The following RYK variants were observed in gnomAD, a reference collection of about 807,000 sequenced individuals.
The protein encoded by RYK is inactive tyrosine-protein kinase RYK.
Under a neutral mutation model 70.2 loss-of-function variants are expected in RYK, and 21 were observed. The ratio of observed to expected loss-of-function variants is 0.30; its 90% confidence interval spans 0.21 to 0.43. The LOEUF is 0.43. Among genes scored for constraint, RYK ranks in the 20% least tolerant of loss-of-function variants. The pLI is 1.00. For synonymous variants in RYK, 267 were observed against 278.0 expected (o/e 0.96, Z 0.39); for missense variants, 604 against 753.3 (o/e 0.80, Z 2.32).
chr3:134,198,441 C>T (rs2013882206), intron 6 of RYK, among the ~76,000 whole-genome samples: 2 of 152,356 alleles, frequency 1.3e-5, no homozygotes, highest in South Asian at 4.1e-4. Context: ...ATGCAACAGA[C>T]AAAGACTGTG....
chr3:134,246,343 C>CACACACACAG lies in RYK; in HGVS notation c.232+4079_232+4080insCTGTGTGTGT, dbSNP rs1553713139. The stretch of plus-strand genomic sequence containing the variant: ...ACACACACACACACACACACACACA[C>CACACACACAG]AGAGAGAGAGAAAATAAAGGGTGGG... On this transcript the variant is annotated intron_variant, in intron 1 of 14. Coordinates refer to ENST00000623711, the MANE Select transcript of RYK (RefSeq NM_002958.4). 2.8e-5 allele frequency among the ~76,000 whole-genome samples: 3 copies of CACACACACAG among 105,810 alleles called. No individual in the cohort carries two copies. In the East Asian group the frequency reaches 8.9e-4, roughly 32 times the overall value. The allele number at this position is 105,810 out of a possible 152,430, so 69.4% of individuals were successfully genotyped here.
At chr3:134,228,576 T>C (rs2014970952) in intron 1 of RYK, among the ~76,000 whole-genome samples, 1 of 151,882 alleles carries the variant, frequency 6.6e-6, no homozygotes, top group African/African-American at 2.4e-5. Flanking sequence ...TCATGTTAAG[T>C]GAAATAAGCC....
At chr3:134,248,712 C>T (rs1292596430) in intron 1 of RYK, among the ~76,000 whole-genome samples, 1 of 151,982 alleles carries the variant, frequency 6.6e-6, no homozygotes, top group African/African-American at 2.4e-5. Flanking sequence ...GCAGGTGAAT[C>T]ACCTGAACCC....
At chr3:134,231,652 C>A (rs1010033057) in intron 1 of RYK, among the ~76,000 whole-genome samples, 1 of 152,170 alleles carries the variant, frequency 6.6e-6, no homozygotes, top group African/African-American at 2.4e-5. Flanking sequence ...CTTCCACCAA[C>A]CTCCTTATCC....
chr3:134,224,898 C>A (rs564726900), intron 1 of RYK, among the ~76,000 whole-genome samples: 7 of 152,328 alleles, frequency 4.6e-5, no homozygotes, highest in East Asian at 1.9e-4. Context: ...AGTAATGCTA[C>A]AAACTAATGA....
intron 6 of RYK, among the ~76,000 whole-genome samples, chr3:134,197,967 C>G (rs549415750): frequency 1.3e-5 from 2 of 152,240 alleles, no homozygotes; most frequent in African/African-American, 4.8e-5. Context: ...TTAAGTGGGT[C>G]CCTAAAATAA....
chr3:134,188,167 A>ATATAT (rs1363782363), intron 9 of RYK, among the ~76,000 whole-genome samples: 5 of 130,228 alleles, frequency 3.8e-5, no homozygotes, highest in African/African-American at 1.4e-4. Flanking sequence ...ATATATATAT[A>ATATAT]TTTTTTTTTT....
Position 134,191,879 on chromosome 3 carries a change from T to C in RYK, c.985A>G (p.Arg329Gly). 6.2e-7 allele frequency: 1 copy of C among 1,611,840 alleles called. No homozygotes were observed. Among genetic ancestry groups the C allele is most frequent in the Non-Finnish European group, 8.5e-7 (1 of 1,178,888 alleles). The change falls in exon 8 of 15, where the codon AGG becomes GGG. Residue 329 changes from arginine to glycine, a missense_variant. Arg to Gly is a moderately radical substitution (Grantham distance 125). Transcript: ENST00000623711. ...TGGAGTACATCTTTTAGAGTTATCCTCTCTCTGGATATTGCTATATCCTTC... is the reference window on the plus strand; with the variant it reads ...TGGAGTACATCTTTTAGAGTTATCCCCTCTCTGGATATTGCTATATCCTTC... ...KVKDIAISRE[R>G]ITLKDVLQEG... is the part of the protein sequence containing the mutation.
At chr3:134,194,874 G>C (rs1044196458) in intron 7 of RYK, among the ~76,000 whole-genome samples, 1 of 152,104 alleles carries the variant, frequency 6.6e-6, no homozygotes, top group African/African-American at 2.4e-5. Context: ...ACCAATTCTA[G>C]CAAACTTAAA....
At chr3:134,223,799 A>G (rs1394935193) in intron 1 of RYK, among the ~76,000 whole-genome samples, 10 of 152,158 alleles carry the variant, frequency 6.6e-5, no homozygotes, top group Admixed American at 5.9e-4. Flanking sequence ...AGAACAGCCA[A>G]AATGCAAATT....
At chr3:134,240,316 T>C (rs1045093134) in intron 1 of RYK, among the ~76,000 whole-genome samples, 1 of 152,184 alleles carries the variant, frequency 6.6e-6, no homozygotes, top group Non-Finnish European at 1.5e-5. Flanking sequence ...CAGAATTGGC[T>C]ATGAGTTGAG....
rs981762346 is a variant in RYK at position 134,179,703 on chromosome 3, A to C, written c.1173-1630T>G. 2.0e-5 allele frequency: 3 copies of C among 152,240 alleles called. No homozygotes were observed. In the South Asian group the frequency reaches 6.2e-4, roughly 31 times the overall value. The allele number at this position is 152,240 out of a possible 1,614,324, so 9.4% of individuals were successfully genotyped here. A position where few individuals can be genotyped will look rare whatever the true frequency, so the allele number is the denominator to read the frequency against. Reference sequence around the variant, plus strand: ...AGCTTCCTTTCCACCAACTCCCATGAATACTAAAATGACTACAGGTTTACA... The same window carrying C: ...AGCTTCCTTTCCACCAACTCCCATGCATACTAAAATGACTACAGGTTTACA... On this transcript the variant is annotated intron_variant, in intron 10 of 14. Coordinates refer to ENST00000623711, the MANE Select transcript of RYK (RefSeq NM_002958.4).
chr3:134,174,881 A>G (rs1434919645), intron 13 of RYK, among the ~76,000 whole-genome samples: 1 of 152,192 alleles, frequency 6.6e-6, no homozygotes, highest in African/African-American at 2.4e-5. Context: ...TAACACTTAG[A>G]AGAGGTCACC....
intron 6 of RYK, among the ~76,000 whole-genome samples, chr3:134,199,758 G>A (rs1027997694): frequency 1.3e-5 from 2 of 152,136 alleles, no homozygotes; most frequent in Non-Finnish European, 2.9e-5. Flanking sequence ...GAAGAACTTT[G>A]TCCATCACTA....
chr3:134,227,731 G>A (rs940891173), intron 1 of RYK, among the ~76,000 whole-genome samples: 56 of 151,864 alleles, frequency 3.7e-4, no homozygotes, highest in African/African-American at 1.2e-3. Context: ...GTGCAGTGGC[G>A]CAATCTCAGC....
At chr3:134,232,686 AG>A (rs1428544366) in intron 1 of RYK, among the ~76,000 whole-genome samples, 15 of 152,342 alleles carry the variant, frequency 9.8e-5, no homozygotes, top group African/African-American at 3.6e-4. Flanking sequence ...CAGTTTGAAA[AG>A]GCTTGAAAGA....
At chr3:134,240,267 G>A (rs555815031) in intron 1 of RYK, among the ~76,000 whole-genome samples, 1 of 152,222 alleles carries the variant, frequency 6.6e-6, no homozygotes, top group African/African-American at 2.4e-5. Flanking sequence ...GAGAGTGAGG[G>A]CAAATGAGTG....
At chr3:134,227,615 A>G (rs2014947457) in intron 1 of RYK, among the ~76,000 whole-genome samples, 1 of 151,986 alleles carries the variant, frequency 6.6e-6, no homozygotes, top group African/African-American at 2.4e-5. Flanking sequence ...GACAGCTATT[A>G]TACTGCTGGT....
At chr3:134,223,825 C>T (rs1472503197) in intron 1 of RYK, among the ~76,000 whole-genome samples, 1 of 152,136 alleles carries the variant, frequency 6.6e-6, no homozygotes, top group South Asian at 2.1e-4. Context: ...TTTACTGAGC[C>T]GGCACTATGG....
Sources: gnomAD v4.1 joint callset for allele counts (sites outside exome capture counted in the v4.1 genomes callset) on GRCh38, gnomAD v4.1.1 for gene constraint, MANE v1.5 for transcripts, NCBI Gene and HGNC (gene_info 2026-07-23, HGNC 2026-07-21) for gene names.